The following RNF17 variants were observed in gnomAD, a reference collection of about 807,000 sequenced individuals.
RNF17 encodes ring finger protein 17, also known as spermatogenesis associated 23.
RNF17 carries 31 observed loss-of-function variants against 200.5 expected under a neutral mutation model. The ratio of observed to expected loss-of-function variants is 0.15; its 90% confidence interval spans 0.12 to 0.21. The LOEUF is 0.21. Among genes scored for constraint, RNF17 ranks in the 10% least tolerant of loss-of-function variants. RNF17 has a pLI of 1.00. For missense variants in RNF17, 1,628 were observed against 1,905.1 expected, an observed-to-expected ratio of 0.85 and a Z score of 2.71; for synonymous variants, 606 against 637.8, an observed-to-expected ratio of 0.95 and a Z score of 0.75.
intron 10 of RNF17, 65 bp from the exon 11 acceptor site, chr13:24,796,072 T>C (rs113968817): frequency 7.8e-7 from 1 of 1,277,188 alleles, no homozygotes. Context: ...ATTATGGTTG[T>C]TCAGCTTTCA....
In RNF17 at chr13:24,772,118, T is replaced by C. The variant is rs1432302131; in HGVS notation, c.226-2695T>C. On this transcript the variant is annotated intron_variant, in intron 2 of 35. Transcript: ENST00000255324. ...TTGGCTGATTTTGTCATACCTTTTA[T>C]TGAGTAATCCTTCCATTTAATTGAA... Among the ~76,000 whole-genome samples the C allele has an allele frequency of 2.6e-5, 4 of 152,360 alleles. No individual in the cohort carries two copies. In the East Asian group the frequency reaches 5.8e-4, roughly 22 times the overall value.
chr13:24,787,791 A>G (rs968770356), intron 6 of RNF17, among the ~76,000 whole-genome samples, 197 bp from the exon 7 acceptor site: 1 of 152,142 alleles, frequency 6.6e-6, no homozygotes, highest in Non-Finnish European at 1.5e-5. Flanking sequence ...TTAATGCCTC[A>G]TTTACCATGT....
chr13:24,883,756 C>CTGT, downstream of RNF17, among the ~76,000 whole-genome samples: 1 of 152,296 alleles, frequency 6.6e-6, no homozygotes, highest in Non-Finnish European at 1.5e-5. Context: ...ACTTAAAAAT[C>CTGT]TGTTTTGAAA....
Position 24,800,445 on chromosome 13 carries a change from A to C in RNF17, c.1669A>C (p.Lys557Gln). Residue 557 changes from lysine to glutamine, a missense_variant, in exon 13 of 36, where the codon AAA (lysine) becomes CAA (glutamine). Physicochemically the swap from Lys to Gln is moderately conservative, Grantham distance 53. This residue lies in a region of RNF17 where 289 missense variants were observed against 384.9 expected (regional missense o/e 0.75). Coordinates refer to ENST00000255324, the MANE Select transcript of RNF17 (RefSeq NM_031277.3). ...ALNDLCLVLR[K>Q]SEPYTEGLLK... Reference sequence around the variant, plus strand: ...AAATGATTTATGTCTGGTTCTAAGGAAATCTGAACCATATACTGAAGGGCT... The same window carrying C: ...AAATGATTTATGTCTGGTTCTAAGGCAATCTGAACCATATACTGAAGGGCT... The C allele has an allele frequency of 1.2e-6, 2 of 1,613,000 alleles. No individual in the cohort carries two copies. Among genetic ancestry groups the C allele is most frequent in the South Asian group, 2.2e-5 (2 of 91,018 alleles).
At chr13:24,855,233 T>C (rs1033544816) in intron 25 of RNF17, among the ~76,000 whole-genome samples, 1 of 152,210 alleles carries the variant, frequency 6.6e-6, no homozygotes, top group African/African-American at 2.4e-5. Flanking sequence ...CATGTGTTTC[T>C]AGATTTTCTG....
downstream of RNF17, among the ~76,000 whole-genome samples, chr13:24,881,934 A>C (rs1953850239): frequency 1.4e-5 from 1 of 74,004 alleles, no homozygotes; most frequent in African/African-American, 3.7e-5. Flanking sequence ...AGATATATAG[A>C]TACATCTATA....
chr13:24,885,299 C>T, the RNF17 span: 1 of 1,611,142 alleles, frequency 6.2e-7, no homozygotes, highest in Admixed American at 1.7e-5. Context: ...TGACTGATTT[C>T]TCCCTGTATG....
intron 16 of RNF17, among the ~76,000 whole-genome samples, chr13:24,828,514 TACTTCAGTTGAC>T (rs1438212340): frequency 2.6e-5 from 4 of 152,148 alleles, no homozygotes; most frequent in Non-Finnish European, 5.9e-5. Context: ...TAATATGTAA[TACTTCAGTTGAC>T]ACTTCAGTTT....
At chr13:24,796,517 C>T (rs1184190868) in intron 11 of RNF17, among the ~76,000 whole-genome samples, 1 of 152,112 alleles carries the variant, frequency 6.6e-6, no homozygotes, top group African/African-American at 2.4e-5. Context: ...TGTACAGAAA[C>T]TCCATTATGT....
chr13:24,855,359 G>T (rs1449366577), intron 25 of RNF17, among the ~76,000 whole-genome samples: 3 of 152,104 alleles, frequency 2.0e-5, no homozygotes, highest in Non-Finnish European at 4.4e-5. Flanking sequence ...GCCAGGCACG[G>T]TGGCTCATGC....
the RNF17 span, among the ~76,000 whole-genome samples, chr13:24,756,437 C>T: frequency 6.6e-6 from 1 of 151,936 alleles, no homozygotes; most frequent in South Asian, 2.1e-4. Flanking sequence ...GATCATAATT[C>T]TTCCTCGTTT....
chr13:24,789,283 A>C, intron 7 of RNF17, 65 bp from the exon 8 acceptor site: 1 of 1,084,896 alleles, frequency 9.2e-7, no homozygotes, highest in Non-Finnish European at 1.4e-6. Flanking sequence ...TCTTTCTAAA[A>C]TCTTACTGTT....
chr13:24,830,926 T>C (rs996452288), intron 17 of RNF17, among the ~76,000 whole-genome samples: 2 of 152,218 alleles, frequency 1.3e-5, no homozygotes, highest in Non-Finnish European at 2.9e-5. Context: ...GTACTTCTAC[T>C]GTGATCATAT....
At chr13:24,846,504 G>T (rs564857214) in intron 22 of RNF17, among the ~76,000 whole-genome samples, 1 of 152,300 alleles carries the variant, frequency 6.6e-6, no homozygotes. Context: ...ATAGGAAACA[G>T]CTCTATCATT....
At chr13:24,870,826 A>G in intron 32 of RNF17, 87 bp downstream of exon 32, 1 of 1,002,518 alleles carries the variant, frequency 1.0e-6, no homozygotes. Context: ...GCTATCTCTA[A>G]TGCTGATATT....
chr13:24,795,932 G>A (rs1049618523), intron 10 of RNF17, among the ~76,000 whole-genome samples: 3 of 152,132 alleles, frequency 2.0e-5, no homozygotes, highest in African/African-American at 7.2e-5. Context: ...TGCAGTTCAG[G>A]TTACTAAAGA....
chr13:24,759,914 G>A (rs1002122726), upstream of RNF17, among the ~76,000 whole-genome samples: 1 of 152,192 alleles, frequency 6.6e-6, no homozygotes, highest in Non-Finnish European at 1.5e-5. Context: ...GATGAGGCGG[G>A]TGGATAACCT....
At chr13:24,819,949 CT>C (rs1887835429) in intron 15 of RNF17, among the ~76,000 whole-genome samples, 1 of 151,998 alleles carries the variant, frequency 6.6e-6, no homozygotes, top group Non-Finnish European at 1.5e-5. Context: ...TCCCTCAGCC[CT>C]TGTTTACCTA....
At chr13:24,856,993 G>A (rs1202119339) in intron 25 of RNF17, among the ~76,000 whole-genome samples, 1 of 152,100 alleles carries the variant, frequency 6.6e-6, no homozygotes, top group African/African-American at 2.4e-5. Context: ...TTTGAGAAAC[G>A]CTCCAAACCC....
Sources: allele counts gnomAD v4.1 joint callset (sites outside exome capture counted in the v4.1 genomes callset), GRCh38; gene constraint gnomAD v4.1.1; regional missense constraint gnomAD v4.1.1; transcripts MANE v1.5; gene names NCBI Gene and HGNC (gene_info 2026-07-23, HGNC 2026-07-21).